The following GLIS3 variants were observed in gnomAD, a reference collection of about 807,000 sequenced individuals.
GLIS3 encodes GLIS family zinc finger 3.
GLIS3 carries 53 observed loss-of-function variants against 78.6 expected under a neutral mutation model. The observed-to-expected ratio is 0.67, with a 90% confidence interval of 0.54 to 0.85. The LOEUF is 0.85. Among genes scored for constraint, GLIS3 ranks in the 40% least tolerant of loss-of-function variants. GLIS3 has a pLI of 0.00. For missense variants in GLIS3, 1,703 were observed against 1,231.1 expected, an observed-to-expected ratio of 1.38 and a Z score of -5.74; for synonymous variants, 684 against 509.9, an observed-to-expected ratio of 1.34 and a Z score of -4.60.
At chr9:4,175,131 G>C (rs1031821017) in intron 2 of GLIS3, among the ~76,000 whole-genome samples, 1 of 152,124 alleles carries the variant, frequency 6.6e-6, no homozygotes, top group Non-Finnish European at 1.5e-5. Flanking sequence ...TTTCTGAATG[G>C]TCTCTCTACA....
At chr9:4,352,853 G>T (rs1050590110), upstream of GLIS3, among the ~76,000 whole-genome samples, 3 of 152,200 alleles carry the variant, frequency 2.0e-5, no homozygotes, top group African/African-American at 4.8e-5. Flanking sequence ...ACCATGAAGA[G>T]AATTTGTGAA....
At chr9:3,916,950 C>A (rs1235192910) in intron 6 of GLIS3, among the ~76,000 whole-genome samples, 2 of 152,104 alleles carry the variant, frequency 1.3e-5, no homozygotes, top group Non-Finnish European at 2.9e-5. Context: ...TAAAGATGTA[C>A]AATGCAAAAT....
In GLIS3 at chr9:3,920,437, G is replaced by A. The variant is rs1343072282; in HGVS notation, c.1983+11923C>T. Among the ~76,000 whole-genome samples, 5 of 152,182 alleles carry A rather than the reference G, an allele frequency of 3.3e-5. No individual in the cohort carries two copies. The East Asian group carries it at 9.7e-4, about 29-fold the overall frequency. On this transcript the variant is annotated intron_variant, in intron 6 of 10. Transcript: ENST00000381971. ...ATCAATTTCATGCTTAATATTCTAT[G>A]GGGAAGGGAAATATTAATGAGGATA...
At chr9:4,212,520 G>C (rs1307539972) in intron 2 of GLIS3, among the ~76,000 whole-genome samples, 1 of 152,226 alleles carries the variant, frequency 6.6e-6, no homozygotes, top group Non-Finnish European at 1.5e-5. Context: ...CAATACAGCA[G>C]TGTGTGCTAC....
upstream of GLIS3, among the ~76,000 whole-genome samples, chr9:4,302,206 C>A (rs141522413): frequency 6.6e-6 from 1 of 152,138 alleles, no homozygotes; most frequent in Non-Finnish European, 1.5e-5. Flanking sequence ...AAATGATACT[C>A]TCCCTTACCC....
intron 10 of GLIS3, 47 bp from the exon 11 acceptor site, chr9:3,828,455 C>G (rs769039081): frequency 4.4e-6 from 7 of 1,608,848 alleles, no homozygotes; most frequent in Non-Finnish European, 5.9e-6. Flanking sequence ...TGCCCCATGC[C>G]ACGCCCACTG....
chr9:4,386,459 C>G, the GLIS3 span: 4 of 151,818 alleles, frequency 2.6e-5, no homozygotes, highest in African/African-American at 9.7e-5. Context: ...GTGCAAGGAG[C>G]ATGTTAATCT....
intron 4 of GLIS3, among the ~76,000 whole-genome samples, chr9:3,972,811 G>C (rs188012231): frequency 1.6e-4 from 25 of 152,152 alleles, no homozygotes; most frequent in African/African-American, 6.0e-4. Context: ...TGATTTAAGA[G>C]AGACTTCGCT....
At chr9:4,202,152 C>CTTT (rs71324286) in intron 2 of GLIS3, among the ~76,000 whole-genome samples, 8,995 of 125,260 alleles carry the variant, frequency 0.072, 512 homozygotes, top group East Asian at 0.21. Context: ...CCCCCTTTTT[C>CTTT]TTTTTTTTTT....
At chr9:4,338,449 A>G (rs570184700) in intron 2 of GLIS3, among the ~76,000 whole-genome samples, 7 of 151,998 alleles carry the variant, frequency 4.6e-5, no homozygotes, top group Non-Finnish European at 5.9e-5. Context: ...CTTATTCAGG[A>G]TGAGAATTCA....
chr9:4,352,490 C>G (rs926071034), upstream of GLIS3, among the ~76,000 whole-genome samples: 3 of 152,282 alleles, frequency 2.0e-5, no homozygotes, highest in African/African-American at 7.2e-5. Context: ...AACCCAAGGG[C>G]CTTCCCTGAT....
At chr9:3,999,183 T>C (rs771898202) in intron 4 of GLIS3, among the ~76,000 whole-genome samples, 3 of 152,300 alleles carry the variant, frequency 2.0e-5, no homozygotes, top group South Asian at 2.1e-4. Flanking sequence ...CCAATCTCTA[T>C]AGTCGCAGAT....
intron 4 of GLIS3, among the ~76,000 whole-genome samples, chr9:3,982,606 C>A (rs935442229): frequency 2.0e-5 from 3 of 152,126 alleles, no homozygotes; most frequent in Non-Finnish European, 4.4e-5. Context: ...TATTTAATAT[C>A]GAAATAAGTG....
intron 4 of GLIS3, among the ~76,000 whole-genome samples, chr9:4,113,132 G>T (rs1467986241): frequency 6.6e-6 from 1 of 151,628 alleles, no homozygotes; most frequent in Non-Finnish European, 1.5e-5. Flanking sequence ...TCACTCAACA[G>T]TGTTTTTTGA....
chr9:4,359,626 G>A, the GLIS3 span, among the ~76,000 whole-genome samples: 28 of 152,240 alleles, frequency 1.8e-4, no homozygotes, highest in East Asian at 1.2e-3. Flanking sequence ...TACAGTACCC[G>A]TGAGATCCAA....
rs79703942 is a variant in GLIS3, at chr9:4,233,932, G to C, written c.388+52106C>G. Among the ~76,000 whole-genome samples the C allele has an allele frequency of 5.5e-3, 836 of 152,298 alleles. 9 individuals carry two copies. The highest frequency in any genetic ancestry group is 0.019 in the African/African-American group (790 of 41,570). ...TCAACTTGCCCTTTTATCTTATGGA[G>C]ACAGCTTTTTTTCCTTAAACTTCAT... is the stretch of plus-strand genomic sequence containing the variant. On this transcript the variant is annotated intron_variant, in intron 2 of 10. Coordinates refer to ENST00000381971, the MANE Select transcript of GLIS3 (RefSeq NM_001042413.2).
At chr9:4,048,334 G>T (rs990756028) in intron 4 of GLIS3, among the ~76,000 whole-genome samples, 2 of 152,150 alleles carry the variant, frequency 1.3e-5, no homozygotes, top group African/African-American at 4.8e-5. Context: ...AAAGCTGTTA[G>T]ATGGTTCACA....
chr9:4,322,579 CCTGA>C (rs1431854166), intron 2 of GLIS3, among the ~76,000 whole-genome samples: 7 of 152,088 alleles, frequency 4.6e-5, no homozygotes, highest in Admixed American at 3.3e-4. Context: ...TCTGTTGTTG[CCTGA>C]CTTTTTAATG....
intron 2 of GLIS3, among the ~76,000 whole-genome samples, chr9:4,320,621 C>T (rs551578217): frequency 1.3e-5 from 2 of 152,118 alleles, no homozygotes; most frequent in Non-Finnish European, 2.9e-5. Flanking sequence ...ACCACCATTA[C>T]CACCTACACC....
Sources: allele counts gnomAD v4.1 joint callset (sites outside exome capture counted in the v4.1 genomes callset), GRCh38; gene constraint gnomAD v4.1.1; transcripts MANE v1.5; gene names NCBI Gene and HGNC (gene_info 2026-07-23, HGNC 2026-07-21).